CTNNA3: variants seen among roughly 807,000 people sequenced by gnomAD.
The protein encoded by CTNNA3 is catenin alpha-3.
In CTNNA3, 76 loss-of-function variants were observed where a neutral mutation model predicts 95.7. The ratio of observed to expected loss-of-function variants is 0.79; its 90% CI spans 0.66 to 0.96. The LOEUF (loss-of-function observed/expected upper bound fraction) is 0.96. Ranked by LOEUF, CTNNA3 falls within the 40% of genes least tolerant of loss-of-function variation. The probability of loss-of-function intolerance (pLI) is 0.00; values close to 1 mark genes in which losing one functional copy is unlikely to be tolerated. For synonymous variants in CTNNA3, 431 were observed against 374.4 expected (o/e 1.15, Z -1.74); for missense variants, 1,191 against 1,089.8 (o/e 1.09, Z -1.31).
chr10:66,374,041 C>G (rs1342208875), intron 12 of CTNNA3, among the ~76,000 whole-genome samples: 1 of 152,174 alleles, frequency 6.6e-6, no homozygotes, highest in Admixed American at 6.5e-5. Flanking sequence ...TCCTGCTTAA[C>G]TAGACTGTAT....
At chr10:67,473,692 T>A (rs575815392) in intron 5 of CTNNA3, among the ~76,000 whole-genome samples, 7 of 152,050 alleles carry the variant, frequency 4.6e-5, no homozygotes, top group Admixed American at 2.0e-4. Context: ...GGAAAAAAAT[T>A]AAAAATAAAA....
intron 10 of CTNNA3, among the ~76,000 whole-genome samples, chr10:66,544,651 C>A (rs751815585): frequency 6.6e-6 from 1 of 152,040 alleles, no homozygotes; most frequent in Non-Finnish European, 1.5e-5. Flanking sequence ...AAATAAGTTA[C>A]CACCTCAGGA....
rs139293954 is a variant in CTNNA3, at chr10:66,898,835, C to G, written c.1048-123311G>C. ...TCTCTTGGATATGATACCAGAAGCT[C>G]ATGCAACAAAAGCAAAATTAGATGA... On this transcript the variant is annotated intron_variant, in intron 7 of 17. Coordinates refer to ENST00000433211, the MANE Select transcript of CTNNA3 (RefSeq NM_013266.4). 2.6e-3 allele frequency among the ~76,000 whole-genome samples: 394 copies of G among 152,262 alleles called. 5 individuals carry two copies. Among genetic ancestry groups the G allele is most frequent in the East Asian group, 1.5e-3 (8 of 5,186 alleles).
intron 14 of CTNNA3, among the ~76,000 whole-genome samples, chr10:66,070,863 T>C (rs1210884688): frequency 1.3e-5 from 2 of 152,088 alleles, no homozygotes; most frequent in South Asian, 2.1e-4. Flanking sequence ...CTTAATAACA[T>C]CTCAACTCAA....
At chr10:66,879,131 T>C (rs138804410) in intron 7 of CTNNA3, among the ~76,000 whole-genome samples, 264 of 152,172 alleles carry the variant, frequency 1.7e-3, no homozygotes, top group African/African-American at 6.2e-3. Context: ...GGTTCTAGGA[T>C]TTGAACCCAC....
intron 7 of CTNNA3, among the ~76,000 whole-genome samples, chr10:67,007,887 A>G (rs751822729): frequency 5.3e-5 from 8 of 152,132 alleles, no homozygotes; most frequent in Non-Finnish European, 8.8e-5. Context: ...AAAGGAAGCT[A>G]CAGAGGAAGA....
chr10:65,964,307 C>CA (rs1438899775), intron 17 of CTNNA3, among the ~76,000 whole-genome samples: 14 of 152,082 alleles, frequency 9.2e-5, no homozygotes, highest in Non-Finnish European at 4.4e-5. Flanking sequence ...GTAAGATATG[C>CA]AAAAGGGGGC....
chr10:67,559,050 C>T (rs1409059338), intron 3 of CTNNA3, among the ~76,000 whole-genome samples: 1 of 152,212 alleles, frequency 6.6e-6, no homozygotes, highest in Non-Finnish European at 1.5e-5. Context: ...GGCTCCACCT[C>T]TGGGGGCAGG....
chr10:65,958,059 A>G (rs971090442), intron 17 of CTNNA3, among the ~76,000 whole-genome samples: 3 of 151,674 alleles, frequency 2.0e-5, no homozygotes, highest in African/African-American at 7.3e-5. Context: ...ATAGTCCCAT[A>G]TTTCTTGGAG....
intron 13 of CTNNA3, among the ~76,000 whole-genome samples, chr10:66,240,315 T>A (rs909099316): frequency 6.6e-6 from 1 of 152,108 alleles, no homozygotes; most frequent in Non-Finnish European, 1.5e-5. Flanking sequence ...CATTAACTTA[T>A]GTAAACGGCT....
intron 7 of CTNNA3, among the ~76,000 whole-genome samples, chr10:67,052,387 T>C (rs140466616): frequency 6.6e-6 from 1 of 151,554 alleles, no homozygotes; most frequent in African/African-American, 2.4e-5. Context: ...TGCCTTACTG[T>C]CTATTCCATG....
At chr10:66,817,090 A>C (rs1015381905) in intron 7 of CTNNA3, among the ~76,000 whole-genome samples, 1 of 152,010 alleles carries the variant, frequency 6.6e-6, no homozygotes, top group Non-Finnish European at 1.5e-5. Flanking sequence ...TCATATCAAT[A>C]ACAGAAGATT....
At chr10:66,562,310 A>C (rs1217437611) in intron 10 of CTNNA3, among the ~76,000 whole-genome samples, 3 of 152,088 alleles carry the variant, frequency 2.0e-5, no homozygotes, top group Non-Finnish European at 2.9e-5. Context: ...TATAAATGTA[A>C]ACATTATTAC....
chr10:66,329,251 A>G (rs2092296082), intron 12 of CTNNA3, among the ~76,000 whole-genome samples: 1 of 151,752 alleles, frequency 6.6e-6, no homozygotes, highest in Admixed American at 6.6e-5. Context: ...CGCCCAGCCA[A>G]AGAGGGATGA....
chr10:66,829,320 G>T (rs1404787393), intron 7 of CTNNA3, among the ~76,000 whole-genome samples: 4 of 152,084 alleles, frequency 2.6e-5, no homozygotes, highest in African/African-American at 9.7e-5. Flanking sequence ...ATCTATAAAA[G>T]ACATTATAGG....
intron 5 of CTNNA3, among the ~76,000 whole-genome samples, chr10:67,327,287 C>A (rs1201569049): frequency 6.6e-6 from 1 of 152,148 alleles, no homozygotes; most frequent in Non-Finnish European, 1.5e-5. Flanking sequence ...TCATTTGGAG[C>A]AAAGAAGGTA....
At chr10:66,304,819 G>C (rs1271520474) in intron 12 of CTNNA3, among the ~76,000 whole-genome samples, 1 of 152,118 alleles carries the variant, frequency 6.6e-6, no homozygotes, top group East Asian at 1.9e-4. Flanking sequence ...TTAAGTAAGA[G>C]TGGGGAGACA....
intron 1 of CTNNA3, among the ~76,000 whole-genome samples, chr10:67,692,836 A>G (rs575323782): frequency 9.1e-4 from 139 of 152,096 alleles, no homozygotes; most frequent in African/African-American, 3.1e-3. Context: ...TAGATTAGTT[A>G]AAAATTGGGA....
At chr10:66,210,370 G>T (rs1451701035) in intron 13 of CTNNA3, among the ~76,000 whole-genome samples, 1 of 150,830 alleles carries the variant, frequency 6.6e-6, no homozygotes, top group Admixed American at 6.7e-5. Flanking sequence ...CTAAATAATT[G>T]CACATCAATT....
Sources: gnomAD v4.1 joint callset for allele counts (sites outside exome capture counted in the v4.1 genomes callset) on GRCh38, gnomAD v4.1.1 for gene constraint, MANE v1.5 for transcripts, NCBI Gene and HGNC (gene_info 2026-07-23, HGNC 2026-07-21) for gene names.